Variants in GNB5 observed in about 807,000 individuals in gnomAD.
The protein encoded by GNB5 is G protein subunit beta 5, also known as guanine nucleotide-binding protein subunit beta-5.
GNB5 carries 37 observed loss-of-function variants against 55.3 expected under a neutral mutation model. The observed-to-expected ratio is 0.67, with a 90% CI of 0.51 to 0.88. The LOEUF is 0.88. Among genes scored for constraint, GNB5 ranks in the 40% least tolerant of loss-of-function variants. The probability of loss-of-function intolerance (pLI) is 0.00; values close to 1 mark genes in which losing one functional copy is unlikely to be tolerated. For missense variants in GNB5, 476 were observed against 515.3 expected, an observed-to-expected ratio of 0.92 and a Z score of 0.74; for synonymous variants, 219 against 198.5, an observed-to-expected ratio of 1.10 and a Z score of -0.87.
chr15:52,179,918 G>C (rs936261193), intron 2 of GNB5, 39 bp from the exon 3 acceptor site: 4 of 1,481,370 alleles, frequency 2.7e-6, no homozygotes. Flanking sequence ...AGCGGAGAGC[G>C]GGAATGCGCT....
chr15:52,182,352 G>A (rs891045964), intron 2 of GNB5, among the ~76,000 whole-genome samples: 4 of 152,194 alleles, frequency 2.6e-5, no homozygotes, highest in African/African-American at 9.7e-5. Flanking sequence ...TGTTTGGACC[G>A]TTGCAGGATG....
chr15:52,179,603 C>T (rs1418145887), intron 3 of GNB5, among the ~76,000 whole-genome samples, 165 bp downstream of exon 3: 1 of 151,498 alleles, frequency 6.6e-6, no homozygotes, highest in South Asian at 2.1e-4. Flanking sequence ...GGGACCGCTA[C>T]CCGCGCCTCA....
intron 12 of GNB5, among the ~76,000 whole-genome samples, chr15:52,123,197 C>T (rs974174703): frequency 5.3e-5 from 8 of 152,126 alleles, no homozygotes; most frequent in South Asian, 2.1e-4. Context: ...AGGAATTTTG[C>T]AAAAATCCTT....
chr15:52,125,720 T>C (rs2033406587), intron 11 of GNB5: 1 of 480,110 alleles, frequency 2.1e-6, no homozygotes, highest in Admixed American at 3.4e-5. Flanking sequence ...AGGACAGCAT[T>C]AGGTGGGTAC....
At chr15:52,177,650 CAAAAAA>C (rs112539098) in intron 3 of GNB5, among the ~76,000 whole-genome samples, 4 of 92,132 alleles carry the variant, frequency 4.3e-5, no homozygotes, top group Admixed American at 4.1e-4. Flanking sequence ...GACTCCGTGT[CAAAAAA>C]AAAAAAAAAA....
At chr15:52,133,921 G>A (rs1478655234) in intron 8 of GNB5, among the ~76,000 whole-genome samples, 1 of 152,244 alleles carries the variant, frequency 6.6e-6, no homozygotes, top group Non-Finnish European at 1.5e-5. Flanking sequence ...TGGAGCAGCC[G>A]AGAGTCCCAG....
chr15:52,116,576 G>A lies in GNB5; in HGVS notation c.*6181C>T, dbSNP rs1329828538. ...TTAATCCCTTAAATGTCTATCATTT[G>A]TGTTGGGAATGTGAAAGTTGTTAGA... On this transcript the variant is annotated 3_prime_UTR_variant, in exon 13 of 13. Coordinates refer to ENST00000261837, the MANE Select transcript of GNB5 (RefSeq NM_016194.4). 3 of 147,942 alleles carry A rather than the reference G, an allele frequency of 2.0e-5. No individual in the cohort carries two copies. The highest frequency in any genetic ancestry group is 4.4e-5 in the Non-Finnish European group (3 of 68,010). 9.2% of individuals were successfully genotyped at this position (147,942 alleles called of 1,614,324 possible).
chr15:52,169,538 CAAAAAAAAAAAA>C (rs60470864), intron 3 of GNB5, among the ~76,000 whole-genome samples: 1 of 71,496 alleles, frequency 1.4e-5, no homozygotes, highest in Non-Finnish European at 2.5e-5. Context: ...GACTCTGTCT[CAAAAAAAAAAAA>C]AAAAAAAAAA....
Position 52,142,598 on chromosome 15 carries a change from C to T in GNB5, c.495-1326G>A, listed in dbSNP as rs1297277285. The stretch of plus-strand genomic sequence containing the variant: ...AATATATGTATGACCCCTATTGGTC[C>T]TTGAACGTTCCTTTACTTTCTAGAA... On this transcript the variant is annotated intron_variant, in intron 6 of 12. Coordinates refer to ENST00000261837, the MANE Select transcript of GNB5 (RefSeq NM_016194.4). 1.3e-5 allele frequency among the ~76,000 whole-genome samples: 2 copies of T among 151,738 alleles called. 1 individual carries two copies. Among genetic ancestry groups the T allele is most frequent in the South Asian group, 4.2e-4 (2 of 4,816 alleles).
chr15:52,126,111 G>A, intron 10 of GNB5, 67 bp from the exon 11 acceptor site: 1 of 764,818 alleles, frequency 1.3e-6, no homozygotes, highest in South Asian at 1.5e-5. Flanking sequence ...TGACCACAGA[G>A]CTACAGGTAG....
rs772476746 is a variant in GNB5 at position 52,154,015 on chromosome 15, G to T, written c.300C>A (p.Thr100=). The change falls in exon 4 of 13, where the codon ACC becomes ACA. Residue 100 remains threonine (T), a synonymous_variant. Transcript: ENST00000261837. ...LGQFVMKTRR[T]LKGHGNKVLC... The stretch of plus-strand genomic sequence containing the variant: ...GGACTTTGTTCCCGTGGCCTTTGAG[G>T]GTCCTTCTGGTCTTCATGACAAACT... 6.2e-7 allele frequency: 1 copy of T among 1,613,938 alleles called. No homozygotes were observed. The highest frequency in any genetic ancestry group is 8.5e-7 in the Non-Finnish European group (1 of 1,179,836).
intron 3 of GNB5, among the ~76,000 whole-genome samples, 192 bp downstream of exon 3, chr15:52,179,576 C>T (rs1437792340): frequency 6.6e-6 from 1 of 151,742 alleles, no homozygotes; most frequent in Non-Finnish European, 1.5e-5. Flanking sequence ...GCCCCACCGC[C>T]GCGCGTCCCG....
At chr15:52,172,900 A>C (rs1474964059) in intron 3 of GNB5, among the ~76,000 whole-genome samples, 1 of 152,162 alleles carries the variant, frequency 6.6e-6, no homozygotes, top group Non-Finnish European at 1.5e-5. Context: ...GTTTGTTAAG[A>C]TCATGTTATA....
chr15:52,115,709 T>C lies in GNB5; in HGVS notation c.*7048A>G, dbSNP rs1441200419. On this transcript the variant is annotated 3_prime_UTR_variant, in exon 13 of 13. Coordinates refer to ENST00000261837, the MANE Select transcript of GNB5 (RefSeq NM_016194.4). ...GTTTTAAGTAACAGCTTTATTGAGATGTAATTCATATACCAAAAAATTCAC... is the reference window on the plus strand; with the variant it reads ...GTTTTAAGTAACAGCTTTATTGAGACGTAATTCATATACCAAAAAATTCAC... 1 of 152,228 alleles carries C rather than the reference T, an allele frequency of 6.6e-6. No homozygotes were observed. Among genetic ancestry groups the C allele is most frequent in the Non-Finnish European group, 1.5e-5 (1 of 68,032 alleles). 9.4% of individuals were successfully genotyped at this position (152,228 alleles called of 1,614,324 possible).
intron 4 of GNB5, among the ~76,000 whole-genome samples, chr15:52,152,532 C>T (rs917003466): frequency 6.6e-6 from 1 of 151,694 alleles, no homozygotes; most frequent in African/African-American, 2.4e-5. Context: ...ACCATGTTGG[C>T]CAGGTTAGTC....
chr15:52,129,134 T>G (rs1228647110), intron 9 of GNB5, among the ~76,000 whole-genome samples: 1 of 152,066 alleles, frequency 6.6e-6, no homozygotes, highest in Non-Finnish European at 1.5e-5. Flanking sequence ...TTTTGTATTT[T>G]TAGTAGAGAC....
At chr15:52,124,447 G>A in intron 12 of GNB5, 26 bp downstream of exon 12, 1 of 1,591,878 alleles carries the variant, frequency 6.3e-7, no homozygotes, top group Non-Finnish European at 8.6e-7. Context: ...CTCACACACA[G>A]GAAAACAGAA....
At position 52,184,655 on chromosome 15, in the gene GNB5, C is replaced by A. The variant is rs41277710; in HGVS notation, c.22G>T (p.Val8Phe). 95 of 1,613,428 alleles carry A rather than the reference C, an allele frequency of 5.9e-5. No homozygotes were observed. The African/African-American group carries it at 1.0e-3, about 17-fold the overall frequency. MCDQTFL[V>F]NVFGSCDKCF... ...TTGTCACATGAGCCAAATACATTAA[C>A]GAGAAAGGTCTGATCACACATCTTT... Residue 8 changes from valine (V) to phenylalanine (F), a missense_variant, in exon 2 of 13, where the codon GTT (valine) becomes TTT (phenylalanine). Physicochemically the swap from Val to Phe is conservative, Grantham distance 50. Coordinates refer to ENST00000261837, the MANE Select transcript of GNB5 (RefSeq NM_016194.4).
chr15:52,129,846 C>T (rs1462897470), intron 9 of GNB5, among the ~76,000 whole-genome samples: 1 of 152,196 alleles, frequency 6.6e-6, no homozygotes, highest in Non-Finnish European at 1.5e-5. Context: ...ATGGAACATT[C>T]CCTTACAATG....
Sources: allele counts gnomAD v4.1 joint callset (sites outside exome capture counted in the v4.1 genomes callset), GRCh38; gene constraint gnomAD v4.1.1; transcripts MANE v1.5; gene names NCBI Gene and HGNC (gene_info 2026-07-23, HGNC 2026-07-21).